Variants in ZYG11A observed in about 807,000 individuals in gnomAD.
ZYG11A encodes the protein zyg-11 family member A, cell cycle regulator.
ZYG11A carries 62 observed loss-of-function variants against 77.2 expected under a neutral mutation model. That is an observed-to-expected ratio of 0.80 (90% CI 0.65 to 0.99). The LOEUF is 0.99. Ranked by LOEUF, ZYG11A falls within the 50% of genes least tolerant of loss-of-function variation. The pLI is 0.00. For missense variants in ZYG11A, 828 were observed against 896.8 expected (o/e 0.92, Z 0.98); for synonymous variants, 315 against 324.6 (o/e 0.97, Z 0.32).
At chr1:52,855,513 A>G (rs1043792690) in intron 2 of ZYG11A, among the ~76,000 whole-genome samples, 1 of 152,106 alleles carries the variant, frequency 6.6e-6, no homozygotes, top group Non-Finnish European at 1.5e-5. Context: ...AGAACCTCAA[A>G]CTTTCCATCA....
intron 10 of ZYG11A, 95 bp from the exon 11 acceptor site, chr1:52,881,376 T>G (rs1646359034): frequency 1.1e-6 from 1 of 889,738 alleles, no homozygotes; most frequent in Admixed American, 3.0e-5. Context: ...GTTCTGAATT[T>G]ATCTGACCTG....
intron 2 of ZYG11A, 33 bp from the exon 3 acceptor site, chr1:52,856,962 AGTT>A: frequency 2.7e-6 from 4 of 1,488,176 alleles, no homozygotes; most frequent in Non-Finnish European, 3.6e-6. Flanking sequence ...CATGAGATCT[AGTT>A]GTCATTACAA....
intron 8 of ZYG11A, among the ~76,000 whole-genome samples, chr1:52,876,553 T>C (rs1054466833): frequency 2.6e-5 from 4 of 152,152 alleles, no homozygotes; most frequent in African/African-American, 9.7e-5. Flanking sequence ...CACAGTTATT[T>C]TGAGTATCAT....
At chr1:52,874,241 A>C (rs76807433) in intron 8 of ZYG11A, among the ~76,000 whole-genome samples, 5,306 of 43,916 alleles carry the variant, frequency 0.12, 234 homozygotes, top group Middle Eastern at 0.34. Context: ...CTCTCTCTCT[A>C]TATATATATA....
intron 1 of ZYG11A, among the ~76,000 whole-genome samples, chr1:52,853,127 T>C (rs972110622): frequency 6.6e-6 from 1 of 152,246 alleles, no homozygotes; most frequent in African/African-American, 2.4e-5. Context: ...AGATATCAAG[T>C]ATTGGTTGTT....
chr1:52,864,933 G>A (rs918844323), intron 5 of ZYG11A, among the ~76,000 whole-genome samples: 4 of 151,762 alleles, frequency 2.6e-5, no homozygotes, highest in Admixed American at 1.3e-4. Flanking sequence ...TTACAGACGT[G>A]AGCCCCCGCG....
In ZYG11A at chr1:52,847,864, ATTTATTTATTTATTTATTT is replaced by A. The variant is rs1265860889; in HGVS notation, c.90+4895_90+4913del. 2.7e-3 allele frequency among the ~76,000 whole-genome samples: 214 copies of A among 79,262 alleles called. 1 individual carries two copies. Among genetic ancestry groups the A allele is most frequent in the Middle Eastern group, 5.4e-3 (1 of 184 alleles). 52.0% of individuals were successfully genotyped at this position (79,262 alleles called of 152,430 possible). On this transcript the variant is annotated intron_variant, in intron 1 of 13. Coordinates refer to ENST00000371528, the MANE Select transcript of ZYG11A (RefSeq NM_001004339.3). ...TATTTATTTATTTATTTATTTATTT[ATTTATTTATTTATTTATTT>A]TTTTGAGATGGAGTCTCGCTCTGTC... is the stretch of plus-strand genomic sequence containing the variant.
chr1:52,863,916 C>T, intron 4 of ZYG11A, 65 bp from the exon 5 acceptor site: 2 of 1,402,814 alleles, frequency 1.4e-6, no homozygotes, highest in South Asian at 1.4e-5. Context: ...CCAATCAAAA[C>T]ATGCACAAGA....
Position 52,863,768 on chromosome 1 carries a change from G to A in ZYG11A, c.1150-213G>A, listed in dbSNP as rs529333779. Reference sequence around the variant, plus strand: ...AGAAATAGAGGTCTAGAGAAAGGAAGTGACTTGGCCAAAGTCACACAGATA... The same window carrying A: ...AGAAATAGAGGTCTAGAGAAAGGAAATGACTTGGCCAAAGTCACACAGATA... On this transcript the variant is annotated intron_variant, in intron 4 of 13. Coordinates refer to ENST00000371528, the MANE Select transcript of ZYG11A (RefSeq NM_001004339.3). 3.6e-4 allele frequency among the ~76,000 whole-genome samples: 55 copies of A among 152,332 alleles called. 1 individual carries two copies. The highest frequency in any genetic ancestry group is 1.3e-3 in the African/African-American group (53 of 41,586).
At chr1:52,871,404 G>A (rs1474467435) in intron 8 of ZYG11A, among the ~76,000 whole-genome samples, 1 of 151,460 alleles carries the variant, frequency 6.6e-6, no homozygotes, top group Non-Finnish European at 1.5e-5. Context: ...CACTGTTTAT[G>A]CTACCTTTAT....
chr1:52,845,164 A>G (rs1645538892), intron 1 of ZYG11A, among the ~76,000 whole-genome samples: 1 of 152,072 alleles, frequency 6.6e-6, no homozygotes, highest in Non-Finnish European at 1.5e-5. Context: ...GATCTCTAGC[A>G]ATATTCTTGT....
Position 52,864,155 on chromosome 1 carries a change from C to T in ZYG11A, c.1324C>T (p.Gln442Ter). 12 of 1,550,984 alleles carry T rather than the reference C, an allele frequency of 7.7e-6. No individual in the cohort carries two copies. The highest frequency in any genetic ancestry group is 1.0e-5 in the Non-Finnish European group (12 of 1,146,718). The change falls in exon 5 of 14, where the codon CAG becomes TAG. Residue 442 changes from glutamine (Q) to a stop codon, truncating the protein, a stop_gained and splice_region_variant. Transcript: ENST00000371528. LOFTEE classifies it high-confidence loss of function. ...KALKNFPHYQQLQKNCLLSLT... is the reference protein window; with the variant it reads ...KALKNFPHYQ The stretch of plus-strand genomic sequence containing the variant: ...TCTGAAAAATTTCCCCCATTACCAG[C>T]AGGTAATTTCAATTGAATATTTGTT...
At chr1:52,885,500 A>G (rs902789901) in intron 11 of ZYG11A, among the ~76,000 whole-genome samples, 23 of 151,790 alleles carry the variant, frequency 1.5e-4, no homozygotes, top group African/African-American at 4.1e-4. Context: ...CACTGTGCCC[A>G]GCCTGGTTTG....
chr1:52,870,734 G>A (rs879093597), intron 8 of ZYG11A, among the ~76,000 whole-genome samples: 1 of 152,162 alleles, frequency 6.6e-6, no homozygotes, highest in Non-Finnish European at 1.5e-5. Flanking sequence ...GACGGCGCGC[G>A]CCTGCAGTCG....
rs61050090 is a variant in ZYG11A at position 52,853,626 on chromosome 1, T to TG, written c.91-835dup. On this transcript the variant is annotated intron_variant, in intron 1 of 13. Transcript: ENST00000371528. ...GTAAAGGGTTAAGAGAACTTAATAT[T>TG]GGGGCCGGGTGTGGTGGCTCATGCC... Among the ~76,000 whole-genome samples the TG allele has an allele frequency of 5.4e-3, 826 of 152,244 alleles. 6 individuals carry two copies. The highest frequency in any genetic ancestry group is 0.019 in the African/African-American group (769 of 41,560).
intron 1 of ZYG11A, among the ~76,000 whole-genome samples, chr1:52,851,677 G>A (rs967472855): frequency 6.6e-6 from 1 of 151,880 alleles, no homozygotes; most frequent in Non-Finnish European, 1.5e-5. Flanking sequence ...TGGAATTATA[G>A]GCGTGAGCCA....
intron 4 of ZYG11A, among the ~76,000 whole-genome samples, chr1:52,863,553 C>T (rs974137034): frequency 6.6e-6 from 1 of 152,190 alleles, no homozygotes; most frequent in East Asian, 1.9e-4. Flanking sequence ...GATGTCACTT[C>T]ATTGATGCGT....
intron 1 of ZYG11A, among the ~76,000 whole-genome samples, chr1:52,853,190 G>C (rs1244037232): frequency 6.6e-6 from 1 of 152,202 alleles, no homozygotes; most frequent in South Asian, 2.1e-4. Flanking sequence ...CTGCTGACCA[G>C]CATTGAAAGA....
chr1:52,892,668 T>C lies in ZYG11A; in HGVS notation c.2105-114T>C, dbSNP rs1646566083. ...TTGACTCATTTTATCTGTTAATTCC[T>C]AGGCCAAAGAGCTTAAACCTTTGTA... On this transcript the variant is annotated intron_variant, in intron 13 of 13. Transcript: ENST00000371528. 10 of 921,080 alleles carry C rather than the reference T, an allele frequency of 1.1e-5. 1 individual carries two copies. Among genetic ancestry groups the C allele is most frequent in the Non-Finnish European group, 1.6e-5 (10 of 613,318 alleles). 57.1% of individuals were successfully genotyped at this position (921,080 alleles called of 1,614,324 possible). A position where few individuals can be genotyped will look rare whatever the true frequency, so the allele number is the denominator to read the frequency against.
Sources: gnomAD v4.1 joint callset for allele counts (sites outside exome capture counted in the v4.1 genomes callset) on GRCh38, gnomAD v4.1.1 for gene constraint, MANE v1.5 for transcripts, NCBI Gene and HGNC (gene_info 2026-07-23, HGNC 2026-07-21) for gene names.